Variants in KCNN2 observed in about 807,000 individuals in gnomAD.
KCNN2 encodes the protein potassium calcium-activated channel subfamily N member 2.
KCNN2 carries 24 observed loss-of-function variants against 55.5 expected under a neutral mutation model. The observed-to-expected ratio is 0.43, with a 90% confidence interval of 0.31 to 0.61. The LOEUF (loss-of-function observed/expected upper bound fraction) is 0.61. Among genes scored for constraint, KCNN2 ranks in the 20% least tolerant of loss-of-function variants. The pLI is 0.08. For missense variants in KCNN2, 754 were observed against 853.6 expected (o/e 0.88, Z 1.45); for synonymous variants, 431 against 336.1 (o/e 1.28, Z -3.09).
rs932387255 is a variant in KCNN2 at position 114,232,674 on chromosome 5, G to A, written c.-185+11109G>A. On this transcript the variant is annotated intron_variant, in intron 2 of 10. Coordinates refer to the KCNN2 transcript ENST00000512097. ...TTAAATAAATAATCCCCATTGAATT[G>A]TCTTCTCTAGCTTAAAAAGTATTGT... is the stretch of plus-strand genomic sequence containing the variant. 3.5e-4 allele frequency among the ~76,000 whole-genome samples: 52 copies of A among 150,650 alleles called. 5 individuals are homozygous for A. Among genetic ancestry groups the A allele is most frequent in the African/African-American group, 1.2e-3 (48 of 40,236 alleles).
intron 2 of KCNN2, among the ~76,000 whole-genome samples, chr5:114,271,189 C>T (rs929322985): frequency 2.0e-5 from 3 of 152,020 alleles, no homozygotes; most frequent in Non-Finnish European, 4.4e-5. Context: ...CTGATTCGTG[C>T]GTTTACAAAC....
chr5:114,410,558 A>G (rs747080820), intron 3 of KCNN2, among the ~76,000 whole-genome samples: 12 of 152,172 alleles, frequency 7.9e-5, no homozygotes, highest in Non-Finnish European at 1.6e-4. Flanking sequence ...AGATAGAAAG[A>G]AATTGAACTT....
intron 1 of KCNN2, among the ~76,000 whole-genome samples, chr5:114,064,153 T>C (rs997432051): frequency 1.3e-5 from 2 of 152,170 alleles, no homozygotes; most frequent in African/African-American, 4.8e-5. Context: ...CAGATGATTC[T>C]AACATGTAGA....
At chr5:114,286,545 A>C (rs567269172) in intron 2 of KCNN2, among the ~76,000 whole-genome samples, 2 of 152,310 alleles carry the variant, frequency 1.3e-5, no homozygotes, top group East Asian at 3.9e-4. Flanking sequence ...GTAGGCTGGG[A>C]CCAGTGCAAG....
intron 2 of KCNN2, among the ~76,000 whole-genome samples, chr5:114,344,018 C>T (rs1341388632): frequency 6.6e-6 from 1 of 152,192 alleles, no homozygotes; most frequent in African/African-American, 2.4e-5. Context: ...TAAACATGCA[C>T]TGGAACTGAA....
At chr5:114,148,488 A>G (rs1381349674) in intron 1 of KCNN2, among the ~76,000 whole-genome samples, 1 of 152,140 alleles carries the variant, frequency 6.6e-6, no homozygotes. Flanking sequence ...TGACTCATAC[A>G]TCCATTGTGT....
At chr5:114,103,716 A>G (rs1231679097) in intron 1 of KCNN2, among the ~76,000 whole-genome samples, 1 of 151,446 alleles carries the variant, frequency 6.6e-6, no homozygotes, top group East Asian at 1.9e-4. Flanking sequence ...TGTTTATGTG[A>G]TGGATTACGT....
chr5:114,250,930 A>G (rs1754846079), intron 2 of KCNN2, among the ~76,000 whole-genome samples: 1 of 152,248 alleles, frequency 6.6e-6, no homozygotes, highest in Non-Finnish European at 1.5e-5. Flanking sequence ...TTTTAAGAAC[A>G]TATCTAGGAC....
At chr5:114,319,111 G>C (rs1031394602) in intron 2 of KCNN2, among the ~76,000 whole-genome samples, 8 of 152,116 alleles carry the variant, frequency 5.3e-5, no homozygotes, top group African/African-American at 1.7e-4. Context: ...CCCAGAGACT[G>C]AGTGATTACC....
chr5:114,424,670 G>A (rs1174466756), intron 3 of KCNN2, among the ~76,000 whole-genome samples: 1 of 152,240 alleles, frequency 6.6e-6, no homozygotes, highest in East Asian at 1.9e-4. Context: ...CTATCATGTA[G>A]CCTAGGCTAG....
intron 1 of KCNN2, among the ~76,000 whole-genome samples, chr5:114,117,840 G>A (rs56757905): frequency 0.13 from 20,311 of 152,158 alleles, 1,514 homozygotes; most frequent in East Asian, 0.29. Context: ...TTGATCTTCA[G>A]TCCAGTGCTC....
At chr5:114,276,992 G>A (rs991920886) in intron 2 of KCNN2, among the ~76,000 whole-genome samples, 7 of 152,242 alleles carry the variant, frequency 4.6e-5, no homozygotes, top group Middle Eastern at 6.8e-3. Flanking sequence ...TCCTTTCCAT[G>A]TTTAGTGCTT....
intron 3 of KCNN2, among the ~76,000 whole-genome samples, chr5:114,426,466 G>C (rs1759628871): frequency 6.6e-6 from 1 of 152,062 alleles, no homozygotes; most frequent in South Asian, 2.1e-4. Flanking sequence ...TTTTTCTGAT[G>C]ATGTCTTTGA....
intron 1 of KCNN2, among the ~76,000 whole-genome samples, chr5:114,099,538 G>A (rs1751332517): frequency 6.6e-6 from 1 of 152,092 alleles, no homozygotes; most frequent in Admixed American, 6.6e-5. Context: ...ATTCACAGGT[G>A]CAATCATAGC....
chr5:114,070,186 C>T (rs541462464), intron 1 of KCNN2, among the ~76,000 whole-genome samples: 4 of 152,248 alleles, frequency 2.6e-5, no homozygotes, highest in South Asian at 2.1e-4. Flanking sequence ...ACTGTCTCAT[C>T]CCTGGACTAA....
chr5:114,492,030 T>TA (rs981258291), intron 6 of KCNN2, among the ~76,000 whole-genome samples: 1 of 152,174 alleles, frequency 6.6e-6, no homozygotes, highest in African/African-American at 2.4e-5. Flanking sequence ...AGGAGCCAAT[T>TA]AACTTCGTTC....
At chr5:114,408,611 G>A (rs900266624) in intron 3 of KCNN2, among the ~76,000 whole-genome samples, 13 of 152,084 alleles carry the variant, frequency 8.5e-5, no homozygotes, top group African/African-American at 2.9e-4. Context: ...CCTATTTACT[G>A]TATAAAGATA....
chr5:114,087,019 T>G (rs1751031077), intron 1 of KCNN2, among the ~76,000 whole-genome samples: 1 of 152,176 alleles, frequency 6.6e-6, no homozygotes, highest in African/African-American at 2.4e-5. Flanking sequence ...CTGTTTTGCA[T>G]TTCTCGGATG....
chr5:114,118,778 C>A (rs1751771210), intron 1 of KCNN2, among the ~76,000 whole-genome samples: 1 of 152,112 alleles, frequency 6.6e-6, no homozygotes, highest in Non-Finnish European at 1.5e-5. Flanking sequence ...TACTGGATGC[C>A]TATGATTTGT....
Sources: allele counts gnomAD v4.1 joint callset (sites outside exome capture counted in the v4.1 genomes callset), GRCh38; gene constraint gnomAD v4.1.1; transcripts MANE v1.5; gene names NCBI Gene and HGNC (gene_info 2026-07-23, HGNC 2026-07-21).